AQP7B: variants seen among roughly 807,000 people sequenced by gnomAD.
AQP7B encodes the protein aquaporin 7B, also known as putative aquaporin-7B.
the AQP7B span, among the ~76,000 whole-genome samples, chr2:94,590,670 T>A: frequency 4.6e-5 from 7 of 152,028 alleles, no homozygotes; most frequent in African/African-American, 1.7e-4. Flanking sequence ...CCACCGGGCA[T>A]GGTGGCTCAC....
the AQP7B span, chr2:94,604,280 G>A: frequency 2.3e-5 from 37 of 1,593,926 alleles, no homozygotes; most frequent in Middle Eastern, 2.3e-4. Context: ...TCTGCCTCTT[G>A]CCTGCAGCGA....
the AQP7B span, chr2:94,604,575 C>G: frequency 6.3e-7 from 1 of 1,579,458 alleles, no homozygotes; most frequent in Non-Finnish European, 8.6e-7. Context: ...CACTTCTAAG[C>G]AGAGATTATT....
the AQP7B span, among the ~76,000 whole-genome samples, chr2:94,591,294 C>T: frequency 6.6e-6 from 1 of 152,152 alleles, no homozygotes; most frequent in Non-Finnish European, 1.5e-5. Context: ...GTCCATTCTC[C>T]CACAGCTTCT....
the AQP7B span, chr2:94,603,154 C>T: frequency 6.6e-7 from 1 of 1,525,936 alleles, no homozygotes; most frequent in Non-Finnish European, 9.0e-7. Context: ...GCAGCTGCCA[C>T]CATCTACAGT....
chr2:94,601,746 T>C, the AQP7B span, among the ~76,000 whole-genome samples: 178 of 151,930 alleles, frequency 1.2e-3, no homozygotes, highest in Middle Eastern at 3.4e-3. Context: ...GTGTGGGAGC[T>C]GATCAATGGG....
chr2:94,602,617 T>G, the AQP7B span: 1 of 1,593,068 alleles, frequency 6.3e-7, no homozygotes, highest in African/African-American at 1.3e-5. Context: ...GCATCTCTGG[T>G]GAGTGAGCCC....
At chr2:94,600,557 C>A in the AQP7B span, among the ~76,000 whole-genome samples, 2 of 151,944 alleles carry the variant, frequency 1.3e-5, no homozygotes, top group Non-Finnish European at 2.9e-5. Context: ...CATAGTGAAA[C>A]CTCATCTCTA....
the AQP7B span, among the ~76,000 whole-genome samples, chr2:94,593,312 G>A: frequency 2.0e-5 from 3 of 151,850 alleles, no homozygotes; most frequent in Non-Finnish European, 4.4e-5. Context: ...ACCATTCTCG[G>A]TGTAGGACTG....
the AQP7B span, among the ~76,000 whole-genome samples, chr2:94,587,656 A>C: frequency 3.3e-5 from 5 of 152,144 alleles, no homozygotes; most frequent in Non-Finnish European, 5.9e-5. Flanking sequence ...TGTTGGGAGG[A>C]CCAGCAGTAG....
chr2:94,589,168 T>TG, the AQP7B span, among the ~76,000 whole-genome samples: 15 of 135,042 alleles, frequency 1.1e-4, no homozygotes, highest in African/African-American at 3.6e-4. Flanking sequence ...TTAGTTGTTG[T>TG]TTTTTTTTTT....
chr2:94,599,006 G>A, the AQP7B span, among the ~76,000 whole-genome samples: 1 of 152,142 alleles, frequency 6.6e-6, no homozygotes, highest in Non-Finnish European at 1.5e-5. Flanking sequence ...GTTTCACCAT[G>A]TTGGCTAGGC....
the AQP7B span, among the ~76,000 whole-genome samples, chr2:94,590,529 G>C: frequency 2.6e-5 from 4 of 152,106 alleles, no homozygotes; most frequent in Non-Finnish European, 5.9e-5. Flanking sequence ...TTAGCAGGTT[G>C]AATTGTTGGC....
chr2:94,587,512 G>A, the AQP7B span, among the ~76,000 whole-genome samples: 1 of 152,172 alleles, frequency 6.6e-6, no homozygotes, highest in Admixed American at 6.5e-5. Context: ...GTGACTGAGG[G>A]ATTGTTTGGG....
chr2:94,589,120 T>C, the AQP7B span, among the ~76,000 whole-genome samples: 4 of 151,730 alleles, frequency 2.6e-5, no homozygotes, highest in Admixed American at 2.6e-4. Flanking sequence ...GTAGCTGGGA[T>C]TACAGGATTA....
chr2:94,599,615 A>C, the AQP7B span, among the ~76,000 whole-genome samples: 2 of 151,120 alleles, frequency 1.3e-5, no homozygotes, highest in Non-Finnish European at 2.9e-5. Flanking sequence ...TTCCTGGAGG[A>C]CCCCTCCACT....
At chr2:94,589,223 G>A in the AQP7B span, among the ~76,000 whole-genome samples, 1 of 150,406 alleles carries the variant, frequency 6.6e-6, no homozygotes, top group East Asian at 2.0e-4. Flanking sequence ...TCGCCAGGCT[G>A]TTCTTGAACT....
the AQP7B span, among the ~76,000 whole-genome samples, chr2:94,600,364 A>G: frequency 6.6e-6 from 1 of 152,370 alleles, no homozygotes; most frequent in East Asian, 1.9e-4. Flanking sequence ...GTAAAAAGCA[A>G]CAGGTGAAAT....
chr2:94,601,691 C>T, the AQP7B span, among the ~76,000 whole-genome samples: 2 of 152,064 alleles, frequency 1.3e-5, no homozygotes, highest in Non-Finnish European at 2.9e-5. Flanking sequence ...GAGAAGGACG[C>T]TGGGCAGGGG....
the AQP7B span, among the ~76,000 whole-genome samples, chr2:94,587,785 G>T: frequency 6.6e-6 from 1 of 152,238 alleles, no homozygotes; most frequent in Admixed American, 6.5e-5. Context: ...GCAGGAGACG[G>T]GTCAGCTGCC....
Sources: gnomAD v4.1 joint callset for allele counts (sites outside exome capture counted in the v4.1 genomes callset) on GRCh38, gnomAD v4.1.1 for gene constraint, MANE v1.5 for transcripts, NCBI Gene and HGNC (gene_info 2026-07-23, HGNC 2026-07-21) for gene names.